Variants in MYOM2 observed in about 807,000 individuals in gnomAD.
MYOM2 encodes the protein myomesin 2, also known as myomesin-2.
In MYOM2, 254 loss-of-function variants were observed where a neutral mutation model predicts 187.6. The ratio of observed to expected loss-of-function variants is 1.35; its 90% confidence interval spans 1.22 to 1.50. MYOM2 has a LOEUF of 1.50. Among genes scored for constraint, MYOM2 ranks in the 40% most tolerant of loss-of-function variants. The probability of loss-of-function intolerance (pLI) is 0.00; values close to 1 mark genes in which losing one functional copy is unlikely to be tolerated. For synonymous variants in MYOM2, 981 were observed against 753.8 expected (o/e 1.30, Z -4.94); for missense variants, 2,796 against 1,924.0 (o/e 1.45, Z -8.48).
chr8:2,067,693 G>T (rs1819062690), intron 6 of MYOM2, among the ~76,000 whole-genome samples: 1 of 152,118 alleles, frequency 6.6e-6, no homozygotes, highest in African/African-American at 2.4e-5. Flanking sequence ...GGAAGCAGAA[G>T]ACCCACCCCC....
chr8:2,051,277 C>G (rs1818476414), intron 2 of MYOM2, among the ~76,000 whole-genome samples: 1 of 152,034 alleles, frequency 6.6e-6, no homozygotes, highest in Non-Finnish European at 1.5e-5. Context: ...GAATGGGAGG[C>G]AATATTAGTG....
Position 2,072,352 on chromosome 8 carries a change from G to A in MYOM2, c.801G>A (p.Leu267=), listed in dbSNP as rs774524601. The change falls in exon 9 of 37, where the codon CTG becomes CTA. Residue 267 remains leucine (L), a synonymous_variant. Coordinates refer to ENST00000262113, the MANE Select transcript of MYOM2 (RefSeq NM_003970.4). ...TCCATCGTTTCTGTGCAGTGCCCCT[G>A]TCATCGATGATTCCGTACACGCACT... is the stretch of plus-strand genomic sequence containing the variant. ...RSVGLPIGLP[L]SSMIPYTHFD... The A allele has an allele frequency of 6.2e-6, 10 of 1,613,150 alleles. No homozygotes were observed. Among genetic ancestry groups the A allele is most frequent in the Admixed American group, 1.7e-5 (1 of 59,956 alleles).
At chr8:2,050,933 A>T in intron 2 of MYOM2, 60 bp downstream of exon 2, 1 of 1,362,934 alleles carries the variant, frequency 7.3e-7, no homozygotes, top group Non-Finnish European at 1.0e-6. Flanking sequence ...CTGACATTTA[A>T]AGGCTTTTCC....
At chr8:2,045,351 T>C (rs983887877) in intron 1 of MYOM2, among the ~76,000 whole-genome samples, 183 bp downstream of exon 1, 1 of 152,208 alleles carries the variant, frequency 6.6e-6, no homozygotes, top group African/African-American at 2.4e-5. Context: ...CTGTATTTCT[T>C]TGACGAGGTT....
At chr8:2,120,332 G>C (rs939546078) in intron 28 of MYOM2, among the ~76,000 whole-genome samples, 1 of 151,916 alleles carries the variant, frequency 6.6e-6, no homozygotes, top group Non-Finnish European at 1.5e-5. Context: ...ATGGAGAGGA[G>C]GCAGGGCTAA....
chr8:2,133,969 T>TGTGTAG lies in MYOM2; in HGVS notation c.3800+4737_3800+4738insGTGTAG, dbSNP rs1797965748. Among the ~76,000 whole-genome samples the TGTGTAG allele has an allele frequency of 4.9e-3, 730 of 149,528 alleles. 28 individuals are homozygous for TGTGTAG. Among genetic ancestry groups the TGTGTAG allele is most frequent in the East Asian group, 0.018 (90 of 5,034 alleles). ...CCCTCTTCCCCTGAGGTTAACGTCT[T>TGTGTAG]CTGTAGCCACCTCCACCCTCTTCCC... On this transcript the variant is annotated intron_variant, in intron 32 of 36. Transcript: ENST00000262113.
chr8:2,054,335 A>G (rs761776712), intron 3 of MYOM2, among the ~76,000 whole-genome samples: 2 of 152,020 alleles, frequency 1.3e-5, no homozygotes, highest in Non-Finnish European at 2.9e-5. Flanking sequence ...CACTCAACAC[A>G]TCCTTCTGGA....
chr8:2,128,170 T>C (rs1430380165), intron 31 of MYOM2, among the ~76,000 whole-genome samples: 1 of 152,238 alleles, frequency 6.6e-6, no homozygotes, highest in Non-Finnish European at 1.5e-5. Flanking sequence ...TTTTAAATAA[T>C]TGTACAATGC....
intron 21 of MYOM2, among the ~76,000 whole-genome samples, 175 bp from the exon 22 acceptor site, chr8:2,106,067 C>T (rs1351166980): frequency 6.6e-6 from 1 of 152,184 alleles, no homozygotes; most frequent in East Asian, 1.9e-4. Context: ...ATGAGGACAG[C>T]ATGGGGGAAA....
chr8:2,066,789 G>T (rs567790468), intron 6 of MYOM2, among the ~76,000 whole-genome samples: 73 of 152,288 alleles, frequency 4.8e-4, no homozygotes, highest in Middle Eastern at 6.8e-3. Context: ...TACTTATGGG[G>T]TTTTTATGTG....
chr8:2,128,284 A>G, intron 31 of MYOM2, among the ~76,000 whole-genome samples: 1 of 152,376 alleles, frequency 6.6e-6, no homozygotes, highest in South Asian at 2.1e-4. Flanking sequence ...TTTAAGATTC[A>G]TAATATAAAT....
At chr8:2,120,281 G>A (rs1797380450) in intron 28 of MYOM2, among the ~76,000 whole-genome samples, 1 of 152,030 alleles carries the variant, frequency 6.6e-6, no homozygotes, top group Admixed American at 6.5e-5. Context: ...TGGTCAACCA[G>A]CTGTCTAAGT....
At chr8:2,081,878 A>G (rs1819642651) in intron 13 of MYOM2, 1 of 152,268 alleles carries the variant, frequency 6.6e-6, no homozygotes, top group South Asian at 2.1e-4. Context: ...GTAAAGACAC[A>G]GATGCTCTTT....
chr8:2,061,728 T>C (rs566388934), intron 6 of MYOM2, among the ~76,000 whole-genome samples: 9 of 152,334 alleles, frequency 5.9e-5, no homozygotes, highest in Non-Finnish European at 1.2e-4. Context: ...AAGGCAATAA[T>C]TGAGATTGAA....
At chr8:2,050,937 C>A in intron 2 of MYOM2, 64 bp downstream of exon 2, 4 of 1,313,524 alleles carry the variant, frequency 3.0e-6, no homozygotes, top group Non-Finnish European at 4.3e-6. Flanking sequence ...CATTTAAAGG[C>A]TTTTCCAGTT....
At chr8:2,126,491 C>T (rs564209278) in intron 31 of MYOM2, among the ~76,000 whole-genome samples, 1 of 152,164 alleles carries the variant, frequency 6.6e-6, no homozygotes. Flanking sequence ...TACATGCACA[C>T]ACTTACATGT....
At chr8:2,080,142 T>G (rs1819570749) in intron 13 of MYOM2, among the ~76,000 whole-genome samples, 1 of 152,242 alleles carries the variant, frequency 6.6e-6, no homozygotes, top group Non-Finnish European at 1.5e-5. Flanking sequence ...AATGACGTGT[T>G]AAGGAGAATC....
rs956680663 is a variant in MYOM2, at chr8:2,090,253, A to T, written c.1828+62A>T. On this transcript the variant is annotated intron_variant, in intron 15 of 36. Transcript: ENST00000262113. ...GACTAAGAGTGGGGTGACACCAAATAGCCTTAAATTGTGTGAATAAAGACA... is the reference window on the plus strand; with the variant it reads ...GACTAAGAGTGGGGTGACACCAAATTGCCTTAAATTGTGTGAATAAAGACA... 21 of 1,485,398 alleles carry T rather than the reference A, an allele frequency of 1.4e-5. No homozygotes were observed. The East Asian group carries it at 4.9e-4, about 35-fold the overall frequency. The allele number at this position is 1,485,398 out of a possible 1,614,324, so 92.0% of individuals were successfully genotyped here. A position where few individuals can be genotyped will look rare whatever the true frequency, so the allele number is the denominator to read the frequency against.
In MYOM2 at chr8:2,089,960, G is replaced by A. The variant is rs1796239061; in HGVS notation, c.1645-48G>A. 4.4e-6 allele frequency: 7 copies of A among 1,592,420 alleles called. No homozygotes were observed. The East Asian group carries it at 1.3e-4, about 31-fold the overall frequency. On this transcript the variant is annotated intron_variant, in intron 14 of 36. Coordinates refer to ENST00000262113, the MANE Select transcript of MYOM2 (RefSeq NM_003970.4). ...TTCTTCCTCCTCCACACGCCTCTGG[G>A]GACCTCGCGGTTTTCACTGCCAGTC...
Sources: allele counts gnomAD v4.1 joint callset (sites outside exome capture counted in the v4.1 genomes callset), GRCh38; gene constraint gnomAD v4.1.1; transcripts MANE v1.5; gene names NCBI Gene and HGNC (gene_info 2026-07-23, HGNC 2026-07-21).